KCNIP4: variants seen among roughly 807,000 people sequenced by gnomAD.
The protein encoded by KCNIP4 is potassium voltage-gated channel interacting protein 4, also known as Kv channel-interacting protein 4.
KCNIP4 carries 12 observed loss-of-function variants against 34.0 expected under a neutral mutation model. The observed-to-expected ratio is 0.35, with a 90% CI of 0.23 to 0.57. The LOEUF (loss-of-function observed/expected upper bound fraction) is 0.57. KCNIP4 is among the 20% of genes least tolerant of loss of function. The probability of loss-of-function intolerance (pLI) is 0.83; values close to 1 mark genes in which losing one functional copy is unlikely to be tolerated. For synonymous variants in KCNIP4, 124 were observed against 102.2 expected (o/e 1.21, Z -1.29); for missense variants, 238 against 311.7 (o/e 0.76, Z 1.78).
At chr4:20,800,659 A>G (rs1440784541) in intron 3 of KCNIP4, among the ~76,000 whole-genome samples, 3 of 152,188 alleles carry the variant, frequency 2.0e-5, no homozygotes, top group Non-Finnish European at 4.4e-5. Flanking sequence ...GAAAGCTTCA[A>G]TAGCAGACTA....
At chr4:20,731,044 G>A (rs1405970012) in intron 8 of KCNIP4, among the ~76,000 whole-genome samples, 2 of 152,030 alleles carry the variant, frequency 1.3e-5, no homozygotes, top group South Asian at 2.1e-4. Flanking sequence ...AAGAAACAAC[G>A]GATTTCTTTG....
chr4:21,304,970 TAA>T (rs11321134), intron 1 of KCNIP4, among the ~76,000 whole-genome samples: 48,482 of 149,644 alleles, frequency 0.32, 8,553 homozygotes, highest in Middle Eastern at 0.42. Flanking sequence ...AGTTTGAGAA[TAA>T]AAAAAAAAAA....
intron 1 of KCNIP4, among the ~76,000 whole-genome samples, chr4:21,305,479 G>A (rs1181415738): frequency 6.6e-6 from 1 of 152,224 alleles, no homozygotes; most frequent in East Asian, 1.9e-4. Context: ...CTTTTCACAA[G>A]TGTCTCCATG....
chr4:20,973,218 T>C (rs1450974335), intron 1 of KCNIP4, among the ~76,000 whole-genome samples: 1 of 152,250 alleles, frequency 6.6e-6, no homozygotes, highest in Non-Finnish European at 1.5e-5. Context: ...GTACTCACTT[T>C]AGCTAGACCT....
intron 1 of KCNIP4, among the ~76,000 whole-genome samples, chr4:21,091,006 G>A (rs1010169470): frequency 6.6e-6 from 1 of 152,178 alleles, no homozygotes; most frequent in Non-Finnish European, 1.5e-5. Context: ...ATGTTTTTAT[G>A]TAGAGGAAAA....
intron 1 of KCNIP4, among the ~76,000 whole-genome samples, chr4:21,477,062 G>A (rs541082183): frequency 1.3e-5 from 2 of 152,232 alleles, no homozygotes; most frequent in African/African-American, 4.8e-5. Flanking sequence ...AAGGTTTCCT[G>A]AATAAATTTT....
intron 1 of KCNIP4, among the ~76,000 whole-genome samples, chr4:21,249,763 C>A (rs1760550873): frequency 6.6e-6 from 1 of 152,132 alleles, no homozygotes; most frequent in Non-Finnish European, 1.5e-5. Flanking sequence ...CTCTTCAAAT[C>A]AGCATGGTGC....
chr4:21,223,178 C>A (rs1321412938), intron 1 of KCNIP4, among the ~76,000 whole-genome samples: 1 of 152,004 alleles, frequency 6.6e-6, no homozygotes, highest in Non-Finnish European at 1.5e-5. Flanking sequence ...GCAAGTGGGG[C>A]AGGGTCAGAA....
At chr4:21,708,153 C>T (rs7669340) in intron 1 of KCNIP4, among the ~76,000 whole-genome samples, 2 of 151,890 alleles carry the variant, frequency 1.3e-5, no homozygotes, top group South Asian at 4.1e-4. Flanking sequence ...CAGTCTCCTG[C>T]CTGACAAAAC....
chr4:21,412,727 C>G (rs959307382), intron 1 of KCNIP4, among the ~76,000 whole-genome samples: 4 of 152,096 alleles, frequency 2.6e-5, no homozygotes, highest in Admixed American at 6.6e-5. Context: ...GAAACTCCAC[C>G]AGCTTTCTTG....
intron 1 of KCNIP4, among the ~76,000 whole-genome samples, chr4:21,883,617 T>C (rs1422482244): frequency 6.6e-6 from 1 of 152,202 alleles, no homozygotes; most frequent in Non-Finnish European, 1.5e-5. Context: ...ACTACTACTT[T>C]GGCAGACACA....
intron 1 of KCNIP4, among the ~76,000 whole-genome samples, chr4:21,355,242 C>T (rs928617829): frequency 1.3e-5 from 2 of 152,034 alleles, no homozygotes; most frequent in African/African-American, 4.8e-5. Context: ...ATTAAAATAA[C>T]TAGAGAAGCA....
At chr4:21,573,795 C>A (rs919234387) in intron 1 of KCNIP4, among the ~76,000 whole-genome samples, 2 of 152,098 alleles carry the variant, frequency 1.3e-5, no homozygotes, top group South Asian at 4.1e-4. Flanking sequence ...TGATTATCAG[C>A]CAGGTTACAG....
chr4:20,831,447 A>G (rs968390288), intron 3 of KCNIP4, among the ~76,000 whole-genome samples: 3 of 152,128 alleles, frequency 2.0e-5, no homozygotes, highest in Admixed American at 2.0e-4. Flanking sequence ...GGGGCTCTTC[A>G]GGATATAAAG....
At chr4:21,908,494 T>C (rs985088039) in intron 1 of KCNIP4, among the ~76,000 whole-genome samples, 3 of 152,192 alleles carry the variant, frequency 2.0e-5, no homozygotes, top group Admixed American at 2.0e-4. Flanking sequence ...TAAATGAGGT[T>C]CACCATTCAA....
intron 1 of KCNIP4, among the ~76,000 whole-genome samples, chr4:21,044,493 GT>G (rs1335665380): frequency 2.6e-5 from 4 of 151,982 alleles, no homozygotes; most frequent in African/African-American, 9.7e-5. Flanking sequence ...TGTATTTTTA[GT>G]AGAGACAGGG....
At position 20,730,062 on chromosome 4, in the gene KCNIP4, T is replaced by C; in HGVS notation, c.*20A>G. The C allele has an allele frequency of 6.2e-7, 1 of 1,604,458 alleles. No homozygotes were observed. The highest frequency in any genetic ancestry group is 8.5e-7 in the Non-Finnish European group (1 of 1,176,722). The stretch of plus-strand genomic sequence containing the variant: ...GAATAGTTCACATTTGTCTGTTGGA[T>C]TCAGGATCTATTTGACAAGTTAAAT... On this transcript the variant is annotated 3_prime_UTR_variant, in exon 9 of 9. Coordinates refer to ENST00000382152, the MANE Select transcript of KCNIP4 (RefSeq NM_025221.6).
chr4:21,338,808 C>G (rs1438699618), intron 1 of KCNIP4, among the ~76,000 whole-genome samples: 1 of 152,048 alleles, frequency 6.6e-6, no homozygotes, highest in Non-Finnish European at 1.5e-5. Context: ...TAACACCCTT[C>G]TCTGATTCTG....
intron 1 of KCNIP4, among the ~76,000 whole-genome samples, chr4:20,960,283 C>T (rs1183660981): frequency 6.6e-6 from 1 of 152,032 alleles, no homozygotes; most frequent in Non-Finnish European, 1.5e-5. Flanking sequence ...CATGCTTATG[C>T]CCTCCAGAGT....
Sources: allele counts gnomAD v4.1 joint callset (sites outside exome capture counted in the v4.1 genomes callset), GRCh38; gene constraint gnomAD v4.1.1; transcripts MANE v1.5; gene names NCBI Gene and HGNC (gene_info 2026-07-23, HGNC 2026-07-21).